DYSF: variants seen among roughly 807,000 people sequenced by gnomAD.
The protein encoded by DYSF is dystrophy-associated fer-1-like 1.
A neutral mutation model predicts 274.9 loss-of-function variants in DYSF; 212 were observed. The observed-to-expected ratio is 0.77, with a 90% confidence interval of 0.69 to 0.86. The LOEUF (loss-of-function observed/expected upper bound fraction) is 0.86, where lower values mean the gene tolerates loss of function less well. Among genes scored for constraint, DYSF ranks in the 40% least tolerant of loss-of-function variants. The pLI, the probability that DYSF is intolerant of heterozygous loss-of-function variation, is 0.00. For synonymous variants in DYSF, 1,091 were observed against 1,078.7 expected (o/e 1.01, Z -0.22); for missense variants, 2,666 against 2,783.2 (o/e 0.96, Z 0.95).
At chr2:71,667,302 C>T (rs1463815816) in intron 47 of DYSF, 74 bp from the exon 48 acceptor site, 7 of 1,606,618 alleles carry the variant, frequency 4.4e-6, no homozygotes, top group African/African-American at 1.3e-5. Flanking sequence ...CCCTGCTCAG[C>T]CTGTTCACTG....
intron 45 of DYSF, 118 bp from the exon 46 acceptor site, chr2:71,664,150 A>G: frequency 7.6e-7 from 1 of 1,324,244 alleles, no homozygotes; most frequent in Non-Finnish European, 1.1e-6. Flanking sequence ...GGCCTGTAAG[A>G]TCTGTAGGGG....
intron 3 of DYSF, among the ~76,000 whole-genome samples, chr2:71,496,121 A>G (rs980687854): frequency 6.6e-5 from 10 of 151,732 alleles, no homozygotes; most frequent in African/African-American, 2.4e-4. Flanking sequence ...AGACTATTAG[A>G]CCTCCCAGCC....
At chr2:71,555,711 C>A (rs901764935) in intron 21 of DYSF, among the ~76,000 whole-genome samples, 5 of 152,132 alleles carry the variant, frequency 3.3e-5, no homozygotes, top group Non-Finnish European at 7.4e-5. Flanking sequence ...TCTGCAGACA[C>A]CCCCTGAGCT....
At chr2:71,510,050 G>C (rs1162740065) in intron 4 of DYSF, among the ~76,000 whole-genome samples, 2 of 152,220 alleles carry the variant, frequency 1.3e-5, no homozygotes, top group Non-Finnish European at 2.9e-5. Flanking sequence ...AGGGATTACA[G>C]GCATGAACCA....
chr2:71,530,342 C>T (rs1352538661), intron 14 of DYSF, among the ~76,000 whole-genome samples: 1 of 152,184 alleles, frequency 6.6e-6, no homozygotes, highest in African/African-American at 2.4e-5. Flanking sequence ...TGGCTAGAAC[C>T]AAGACCGACA....
rs765546976 is a variant in DYSF at position 71,568,354 on chromosome 2, G to C, written c.2864+16G>C. On this transcript the variant is annotated intron_variant, in intron 26 of 55. Transcript: ENST00000410020. ...CGGAGAAGACGTGAGTCGTGGGCAG[G>C]GAGGGCTGGGGAGAGCCAGGCCAGG... 6.2e-7 allele frequency: 1 copy of C among 1,613,054 alleles called. No homozygotes were observed. The highest frequency in any genetic ancestry group is 8.5e-7 in the Non-Finnish European group (1 of 1,179,280).
At chr2:71,634,457 T>C (rs17718067) in intron 41 of DYSF, among the ~76,000 whole-genome samples, 3 of 152,024 alleles carry the variant, frequency 2.0e-5, no homozygotes, top group African/African-American at 7.2e-5. Context: ...CTCTTTCTTA[T>C]GGCTGTGCTA....
intron 35 of DYSF, 65 bp from the exon 36 acceptor site, chr2:71,602,711 C>G: frequency 6.3e-7 from 1 of 1,576,780 alleles, no homozygotes; most frequent in South Asian, 1.2e-5. Flanking sequence ...TAATAGAGAA[C>G]TTTTTCCCCT....
rs758448569 is a variant in DYSF, at chr2:71,574,161, C to T, written c.3229-37C>T. ...CGAGCACAGAACTCCCCCCAGCCTT[C>T]CCACCGGCCTCTGAGTCTGCCCCTT... On this transcript the variant is annotated intron_variant, in intron 29 of 55. Transcript: ENST00000410020. The T allele has an allele frequency of 5.3e-5, 85 of 1,608,240 alleles. 2 individuals are homozygous for T. In the South Asian group the frequency reaches 9.1e-4, roughly 17 times the overall value.
At chr2:71,623,326 T>A (rs1220765139) in intron 41 of DYSF, among the ~76,000 whole-genome samples, 1 of 72,648 alleles carries the variant, frequency 1.4e-5, no homozygotes, top group Non-Finnish European at 2.5e-5. Flanking sequence ...CCCTCCCCCC[T>A]CCCCCCACCC....
rs1270436623 is a variant in DYSF, at chr2:71,665,239, A to G, written c.5252A>G (p.Lys1751Arg). 6.2e-7 allele frequency: 1 copy of G among 1,614,198 alleles called. No individual in the cohort carries two copies. Among genetic ancestry groups the G allele is most frequent in the Admixed American group, 1.7e-5 (1 of 60,028 alleles). The change falls in exon 47 of 56, where the codon AAG becomes AGG. Residue 1751 changes from lysine to arginine, a missense_variant. Physicochemically the swap from Lys to Arg is conservative, Grantham distance 26 (BLOSUM62 2). Around this residue, in one of 3 missense-constraint regions of DYSF, gnomAD observed 1,460 missense variants for 1,502.1 expected, o/e 0.97. Transcript: ENST00000410020. ...LHLFCQQHRVKAPVYRTDRVM... is the reference protein window; with the variant it reads ...LHLFCQQHRVRAPVYRTDRVM... ...CTCTTCTGCCAGCAGCATAGAGTCA[A>G]GGCACCTGTGTACCGGACAGACCGT...
intron 1 of DYSF, among the ~76,000 whole-genome samples, chr2:71,478,835 T>TAC (rs2082633707): frequency 6.6e-6 from 1 of 151,848 alleles, no homozygotes. Context: ...GCTCTCTTTC[T>TAC]CTTTTTTTCT....
chr2:71,599,812 G>A (rs1017330658), intron 33 of DYSF, among the ~76,000 whole-genome samples: 5 of 152,224 alleles, frequency 3.3e-5, no homozygotes, highest in Admixed American at 3.3e-4. Flanking sequence ...GAACAGGGGT[G>A]GGGGAAGGTG....
intron 22 of DYSF, among the ~76,000 whole-genome samples, chr2:71,561,387 A>G (rs1239214411): frequency 6.6e-6 from 1 of 152,008 alleles, no homozygotes; most frequent in Non-Finnish European, 1.5e-5. Flanking sequence ...TCCAGGAGGC[A>G]GGAGCAGGAC....
At chr2:71,667,840 A>G (rs2095044726) in intron 48 of DYSF, among the ~76,000 whole-genome samples, 1 of 152,026 alleles carries the variant, frequency 6.6e-6, no homozygotes, top group East Asian at 1.9e-4. Context: ...GGATTCCCCC[A>G]TCCAACCACT....
chr2:71,551,762 G>C, intron 19 of DYSF, 42 bp downstream of exon 19: 2 of 1,509,600 alleles, frequency 1.3e-6, no homozygotes, highest in East Asian at 2.3e-5. Context: ...CGTCGGGGCA[G>C]GGAAGGGATG....
chr2:71,617,826 TGG>T (rs2093932639), intron 40 of DYSF, among the ~76,000 whole-genome samples: 1 of 73,200 alleles, frequency 1.4e-5, no homozygotes. Context: ...GTGGTAGAGG[TGG>T]GGTATAAGTG....
At chr2:71,624,449 A>G (rs1006216604) in intron 41 of DYSF, among the ~76,000 whole-genome samples, 1 of 152,252 alleles carries the variant, frequency 6.6e-6, no homozygotes, top group Non-Finnish European at 1.5e-5. Context: ...GGGTTATACT[A>G]GTCCCTTAAA....
At chr2:71,622,859 C>T (rs2094136008) in intron 41 of DYSF, among the ~76,000 whole-genome samples, 1 of 152,220 alleles carries the variant, frequency 6.6e-6, no homozygotes, top group African/African-American at 2.4e-5. Context: ...AAATGATCCA[C>T]CCTCCTTGGC....
Sources: allele counts gnomAD v4.1 joint callset (sites outside exome capture counted in the v4.1 genomes callset), GRCh38; gene constraint gnomAD v4.1.1; regional missense constraint gnomAD v4.1.1; transcripts MANE v1.5; gene names NCBI Gene and HGNC (gene_info 2026-07-23, HGNC 2026-07-21).